Variants in GPR19 observed in about 807,000 individuals in gnomAD.
The protein encoded by GPR19 is G protein-coupled receptor 19, also known as probable G protein-coupled receptor 19.
GPR19 carries 14 observed loss-of-function variants against 28.5 expected under a neutral mutation model. The observed-to-expected ratio is 0.49, with a 90% confidence interval of 0.32 to 0.77. GPR19 has a LOEUF of 0.77. GPR19 is among the 30% of genes least tolerant of loss of function. GPR19 has a pLI of 0.03. For synonymous variants in GPR19, 173 were observed against 184.1 expected (o/e 0.94, Z 0.49); for missense variants, 409 against 504.1 (o/e 0.81, Z 1.81).
At chr12:12,693,221 A>G (rs1198009262) in intron 2 of GPR19, among the ~76,000 whole-genome samples, 1 of 152,212 alleles carries the variant, frequency 6.6e-6, no homozygotes, top group Non-Finnish European at 1.5e-5. Flanking sequence ...GTTAATAATA[A>G]CAAAACCACT....
the GPR19 span, chr12:12,717,048 C>T: frequency 3.0e-6 from 3 of 1,006,134 alleles, no homozygotes; most frequent in Admixed American, 1.2e-4. Flanking sequence ...GGCGAACCCG[C>T]CAACGCAGCG....
chr12:12,714,157 T>A, the GPR19 span, among the ~76,000 whole-genome samples: 16 of 152,354 alleles, frequency 1.1e-4, no homozygotes, highest in South Asian at 2.5e-3. Flanking sequence ...TCCGTAAATA[T>A]TTGTGAAATT....
rs1314442994 is a variant in GPR19, at chr12:12,661,874, G to T, written c.575C>A (p.Ala192Glu). 6.2e-7 allele frequency: 1 copy of T among 1,614,158 alleles called. No homozygotes were observed. Among genetic ancestry groups the T allele is most frequent in the Non-Finnish European group, 8.5e-7 (1 of 1,180,032 alleles). The part of the protein sequence containing the change: ...KMIAASWVFD[A>E]GFVTPVLFFY... ...AAAGAGCACAGGGGTCACAAAGCCTGCATCAAAGACCCACGATGCCGCAAT... is the reference window on the plus strand; with the variant it reads ...AAAGAGCACAGGGGTCACAAAGCCTTCATCAAAGACCCACGATGCCGCAAT... Residue 192 changes from alanine (A) to glutamate (E), a missense_variant, in exon 4 of 4, where the codon GCA becomes GAA. Physicochemically the swap from Ala to Glu is moderately radical, Grantham distance 107. Transcript: ENST00000651487. The surrounding 1 kb of genome is among the most constrained non-coding windows in gnomAD (Gnocchi z 4.2).
chr12:12,667,616 G>T (rs562436450), intron 3 of GPR19, among the ~76,000 whole-genome samples: 1 of 151,642 alleles, frequency 6.6e-6, no homozygotes, highest in Non-Finnish European at 1.5e-5. Context: ...GCTTGAACCC[G>T]GGAGGCAGAG....
intron 3 of GPR19, among the ~76,000 whole-genome samples, chr12:12,682,479 A>G (rs886216978): frequency 5.9e-5 from 9 of 152,204 alleles, no homozygotes; most frequent in Non-Finnish European, 1.2e-4. Context: ...CATTCACAAG[A>G]GTATATTGAG....
At chr12:12,692,907 TTC>T (rs762095207) in intron 2 of GPR19, among the ~76,000 whole-genome samples, 8 of 152,192 alleles carry the variant, frequency 5.3e-5, no homozygotes, top group Non-Finnish European at 1.2e-4. Flanking sequence ...CCCAGGAAGA[TTC>T]TCTGTCACTC....
At chr12:12,664,154 T>C (rs1345057099) in intron 3 of GPR19, among the ~76,000 whole-genome samples, 2 of 152,134 alleles carry the variant, frequency 1.3e-5, no homozygotes, top group African/African-American at 4.8e-5. Context: ...CATGCCTGGC[T>C]AATTTTTGTA....
chr12:12,690,853 C>G (rs1946169985), intron 2 of GPR19, among the ~76,000 whole-genome samples: 1 of 152,210 alleles, frequency 6.6e-6, no homozygotes, highest in South Asian at 2.1e-4. Flanking sequence ...CTTCTCAGCA[C>G]TCTCTAAAAA....
the GPR19 span, among the ~76,000 whole-genome samples, chr12:12,701,428 C>CA: frequency 1.3e-5 from 2 of 152,088 alleles, no homozygotes; most frequent in African/African-American, 2.4e-5. Context: ...CTATATCTGG[C>CA]ATATAAAGCT....
intron 3 of GPR19, among the ~76,000 whole-genome samples, chr12:12,682,401 T>G (rs1043372747): frequency 6.6e-6 from 1 of 152,132 alleles, no homozygotes; most frequent in Non-Finnish European, 1.5e-5. Flanking sequence ...ACATGCAAAA[T>G]AAAACAGGCA....
rs560640104 is a variant in GPR19, at chr12:12,674,217, A to T, written c.-23+10134T>A. Among the ~76,000 whole-genome samples the T allele has an allele frequency of 3.8e-3, 573 of 150,082 alleles. 7 individuals carry two copies. The highest frequency in any genetic ancestry group is 0.013 in the African/African-American group (545 of 40,736). On this transcript the variant is annotated intron_variant, in intron 3 of 3. Coordinates refer to ENST00000651487, the MANE Select transcript of GPR19 (RefSeq NM_006143.3). ...ACAGCCAGACTTTGTCTCAAAAAAA[A>T]AAAAAAAAAAAAAAGGCTATTACAG...
At chr12:12,707,767 G>A in the GPR19 span, among the ~76,000 whole-genome samples, 2 of 152,012 alleles carry the variant, frequency 1.3e-5, no homozygotes, top group Non-Finnish European at 2.9e-5. Flanking sequence ...CGCCCAGGCT[G>A]GAGTGCAGTG....
intron 2 of GPR19, among the ~76,000 whole-genome samples, chr12:12,688,177 G>GA (rs1946121552): frequency 6.6e-6 from 1 of 152,178 alleles, no homozygotes; most frequent in Non-Finnish European, 1.5e-5. Flanking sequence ...AAGAGAGTGG[G>GA]AGGGGGGGTC....
At chr12:12,679,038 C>T (rs1945981342) in intron 3 of GPR19, among the ~76,000 whole-genome samples, 1 of 152,160 alleles carries the variant, frequency 6.6e-6, no homozygotes, top group East Asian at 1.9e-4. Flanking sequence ...CTCGAGTGAT[C>T]TGCCCACCTC....
At chr12:12,682,001 T>G (rs1054838198) in intron 3 of GPR19, among the ~76,000 whole-genome samples, 3 of 152,214 alleles carry the variant, frequency 2.0e-5, no homozygotes, top group African/African-American at 7.2e-5. Flanking sequence ...CCTGTGAGCT[T>G]TCTATACAGA....
At chr12:12,703,369 C>T in the GPR19 span, 6 of 984,974 alleles carry the variant, frequency 6.1e-6, no homozygotes, top group African/African-American at 3.5e-5. Context: ...ATGGAGTATG[C>T]GTGAGTGCGT....
intron 2 of GPR19, among the ~76,000 whole-genome samples, chr12:12,688,291 ATTCT>A (rs1946123907): frequency 6.6e-6 from 1 of 152,176 alleles, no homozygotes; most frequent in South Asian, 2.1e-4. Context: ...TTACTGAAGT[ATTCT>A]TTCTAAAAAT....
intron 3 of GPR19, among the ~76,000 whole-genome samples, chr12:12,663,382 T>C (rs1194348931): frequency 6.7e-6 from 1 of 149,564 alleles, no homozygotes; most frequent in Admixed American, 6.7e-5. Context: ...GATCAGTTGG[T>C]CCAGAAGTTT....
chr12:12,685,674 A>G (rs2160972), intron 2 of GPR19, among the ~76,000 whole-genome samples: 58,330 of 152,014 alleles, frequency 0.38, 11,537 homozygotes, highest in East Asian at 0.55. Context: ...CTTGAAAGGA[A>G]TCTAGGAATT....
Sources: gnomAD v4.1 joint callset for allele counts (sites outside exome capture counted in the v4.1 genomes callset) on GRCh38, gnomAD v4.1.1 for gene constraint, Gnocchi (gnomAD v3.1) non-coding constraint, MANE v1.5 for transcripts, NCBI Gene and HGNC (gene_info 2026-07-23, HGNC 2026-07-21) for gene names.